MPHOSPH8: variants seen among roughly 807,000 people sequenced by gnomAD.
MPHOSPH8 encodes M-phase phosphoprotein, mpp.
Under a neutral mutation model 87.3 loss-of-function variants are expected in MPHOSPH8, and 45 were observed. The observed-to-expected ratio is 0.52, with a 90% CI of 0.41 to 0.66. MPHOSPH8 has a LOEUF of 0.66. Ranked by LOEUF, MPHOSPH8 falls within the 30% of genes least tolerant of loss-of-function variation. The pLI, the probability that MPHOSPH8 is intolerant of heterozygous loss-of-function variation, is 0.00. For missense variants in MPHOSPH8, 883 were observed against 1,020.2 expected, an observed-to-expected ratio of 0.87 and a Z score of 1.83; for synonymous variants, 366 against 376.9, an observed-to-expected ratio of 0.97 and a Z score of 0.33.
rs1234114788 is a variant in MPHOSPH8 at position 19,672,137 on chromosome 13, T to C, written c.*262T>C. 9.5e-6 allele frequency: 4 copies of C among 421,926 alleles called. No individual in the cohort carries two copies. Among genetic ancestry groups the C allele is most frequent in the Non-Finnish European group, 1.7e-5 (4 of 236,416 alleles). The allele number at this position is 421,926 out of a possible 1,614,324, so 26.1% of individuals were successfully genotyped here. On this transcript the variant is annotated 3_prime_UTR_variant, in exon 14 of 14. Coordinates refer to ENST00000361479, the MANE Select transcript of MPHOSPH8 (RefSeq NM_017520.4). ...ACATATGAGGATTATTTAAGAAAAT[T>C]AAAGACTTCACTTTCTTTTTTCTGG...
intron 1 of MPHOSPH8, among the ~76,000 whole-genome samples, chr13:19,639,804 C>A (rs945621038): frequency 1.3e-5 from 2 of 152,062 alleles, no homozygotes; most frequent in South Asian, 4.2e-4. Context: ...AAACTTATTC[C>A]TGTGTTAAGA....
intron 5 of MPHOSPH8, among the ~76,000 whole-genome samples, chr13:19,656,277 CAA>C (rs71198922): frequency 3.5e-4 from 25 of 72,258 alleles, no homozygotes; most frequent in Admixed American, 1.4e-3. Context: ...AGACTGTTGT[CAA>C]AAAAAAAAAA....
rs532130754 is a variant in MPHOSPH8 at position 19,669,671 on chromosome 13, G to A, written c.2330-565G>A. Among the ~76,000 whole-genome samples the A allele has an allele frequency of 3.3e-5, 5 of 152,042 alleles. No homozygotes were observed. In the East Asian group the frequency reaches 7.8e-4, roughly 24 times the overall value. ...TTACAGGTGCCCACCATGATACCCA[G>A]CTAAATTTTGTGTTCTTAGTAGAGA... On this transcript the variant is annotated intron_variant, in intron 11 of 13. Transcript: ENST00000361479.
Position 19,650,098 on chromosome 13 carries a change from C to T in MPHOSPH8, c.1414C>T (p.Pro472Ser). The T allele has an allele frequency of 1.9e-6, 3 of 1,613,726 alleles. No individual in the cohort carries two copies. The highest frequency in any genetic ancestry group is 2.2e-5 in the South Asian group (2 of 91,056). Residue 472 changes from proline (P) to serine (S), a missense_variant, in exon 5 of 14, where the codon CCA becomes TCA. Transcript: ENST00000361479. ...GAATAATCGGAAAAGGGAAGAAATA[C>T]CACTGGATTTTAAAACCATAGACGA... is the stretch of plus-strand genomic sequence containing the variant. ...SENNRKREEI[P>S]LDFKTIDDHK... is the part of the protein sequence containing the mutation.
intron 12 of MPHOSPH8, chr13:19,670,691 T>A: frequency 2.0e-6 from 2 of 988,514 alleles, no homozygotes; most frequent in Non-Finnish European, 2.6e-6. Context: ...TGGACTGAAT[T>A]AAGCAAAATT....
In MPHOSPH8 at chr13:19,648,354, G is replaced by A. The variant is rs919539540; in HGVS notation, c.1219-68G>A. ...CTGAAGCCACAAACCTGTATTTTCCGGTTCTCAAATAAATTTACAGTGTCA... is the reference window on the plus strand; with the variant it reads ...CTGAAGCCACAAACCTGTATTTTCCAGTTCTCAAATAAATTTACAGTGTCA... On this transcript the variant is annotated intron_variant, in intron 3 of 13. Coordinates refer to ENST00000361479, the MANE Select transcript of MPHOSPH8 (RefSeq NM_017520.4). 1.6e-4 allele frequency: 156 copies of A among 980,332 alleles called. No individual in the cohort carries two copies. Among genetic ancestry groups the A allele is most frequent in the Non-Finnish European group, 2.2e-4 (143 of 659,416 alleles). 60.7% of individuals were successfully genotyped at this position (980,332 alleles called of 1,614,324 possible).
intron 1 of MPHOSPH8, among the ~76,000 whole-genome samples, chr13:19,638,119 T>C (rs971416765): frequency 6.6e-6 from 1 of 151,638 alleles, no homozygotes; most frequent in Admixed American, 6.6e-5. Context: ...AAAAAAGTTG[T>C]ATACAATAGT....
intron 7 of MPHOSPH8, among the ~76,000 whole-genome samples, chr13:19,660,112 C>T (rs1226581878): frequency 6.6e-6 from 1 of 151,506 alleles, no homozygotes; most frequent in African/African-American, 2.4e-5. Context: ...AGTTGCCTGC[C>T]ACCTCGCCCG....
chr13:19,650,122 GA>G lies in MPHOSPH8; in HGVS notation c.1439del (p.Asp480ValfsTer36), dbSNP rs1214089041. 1 of 1,613,974 alleles carries G rather than the reference GA, an allele frequency of 6.2e-7. No individual in the cohort carries two copies. The highest frequency in any genetic ancestry group is 1.3e-5 in the African/African-American group (1 of 74,994). On this transcript the variant is annotated frameshift_variant, in exon 5 of 14. Coordinates refer to ENST00000361479, the MANE Select transcript of MPHOSPH8 (RefSeq NM_017520.4). LOFTEE classifies it high-confidence loss of function. ...EIPLDFKTID[D>X]HKTKENKQSL... is the part of the protein sequence containing the mutation. ...ACCACTGGATTTTAAAACCATAGAC[GA>G]TCACAAAACCAAGGAAAACAAACAG...
At chr13:19,667,480 T>A (rs959401030) in intron 10 of MPHOSPH8, among the ~76,000 whole-genome samples, 1 of 152,206 alleles carries the variant, frequency 6.6e-6, no homozygotes, top group Non-Finnish European at 1.5e-5. Flanking sequence ...TCATACAGAA[T>A]AGTTTCACTG....
At chr13:19,670,401 C>CT in intron 12 of MPHOSPH8, 38 bp downstream of exon 12, 8 of 1,593,056 alleles carry the variant, frequency 5.0e-6, no homozygotes, top group Non-Finnish European at 6.0e-6. Flanking sequence ...AAAGTACATT[C>CT]TTCTAATCAA....
At chr13:19,667,580 C>T (rs1280444407) in intron 10 of MPHOSPH8, among the ~76,000 whole-genome samples, 3 of 152,146 alleles carry the variant, frequency 2.0e-5, no homozygotes, top group Non-Finnish European at 4.4e-5. Context: ...ATATTTTGCC[C>T]TTTCCAGAAC....
At position 19,663,146 on chromosome 13, in the gene MPHOSPH8, C is replaced by G. The variant is rs772637201; in HGVS notation, c.2019+20C>G. The G allele has an allele frequency of 8.2e-6, 13 of 1,595,040 alleles. No individual in the cohort carries two copies. Among genetic ancestry groups the G allele is most frequent in the Non-Finnish European group, 1.1e-5 (13 of 1,163,162 alleles). ...ATGAAGGTAAATCCCTCCTGCAGGTCATCCCTTTCTTCACTACGTTGGCAG... is the reference window on the plus strand; with the variant it reads ...ATGAAGGTAAATCCCTCCTGCAGGTGATCCCTTTCTTCACTACGTTGGCAG... On this transcript the variant is annotated intron_variant, in intron 9 of 13. Coordinates refer to ENST00000361479, the MANE Select transcript of MPHOSPH8 (RefSeq NM_017520.4).
intron 7 of MPHOSPH8, 87 bp downstream of exon 7, chr13:19,659,376 A>G: frequency 8.6e-7 from 1 of 1,160,298 alleles, no homozygotes; most frequent in South Asian, 1.4e-5. Flanking sequence ...TATTTTAATT[A>G]CAAAAGGCTG....
Position 19,670,388 on chromosome 13 carries a change from T to C in MPHOSPH8, c.2457+25T>C, listed in dbSNP as rs371043139. 10 of 1,607,354 alleles carry C rather than the reference T, an allele frequency of 6.2e-6. No homozygotes were observed. The African/African-American group carries it at 9.4e-5, about 15-fold the overall frequency. On this transcript the variant is annotated intron_variant, in intron 12 of 13. Transcript: ENST00000361479. ...GGTAAGATACTCTGTATTTCACTAC[T>C]GAAAAGTACATTCTTCTAATCAAAA... is the stretch of plus-strand genomic sequence containing the variant.
rs761571528 is a variant in MPHOSPH8, at chr13:19,646,558, A to G, written c.485A>G (p.Glu162Gly). The stretch of plus-strand genomic sequence containing the variant: ...AAGAAAAAATTGAGGCAGAGAGAAG[A>G]GAAAAGCCCAGATGATCTGAAAAAG... ...KKKKKLRQRE[E>G]KSPDDLKKKK... Residue 162 changes from glutamate (E) to glycine (G), a missense_variant, in exon 3 of 14, where the codon GAG (glutamate) becomes GGG (glycine). Physicochemically the swap from Glu to Gly is moderately conservative, Grantham distance 98. Coordinates refer to ENST00000361479, the MANE Select transcript of MPHOSPH8 (RefSeq NM_017520.4). The G allele has an allele frequency of 6.3e-7, 1 of 1,582,824 alleles. No individual in the cohort carries two copies.
At chr13:19,655,058 T>C (rs1262939207) in intron 5 of MPHOSPH8, among the ~76,000 whole-genome samples, 2 of 152,176 alleles carry the variant, frequency 1.3e-5, no homozygotes, top group Non-Finnish European at 2.9e-5. Flanking sequence ...AAAAATCTCA[T>C]GATCACGTTG....
At chr13:19,639,234 G>T (rs9578170) in intron 1 of MPHOSPH8, among the ~76,000 whole-genome samples, 17,941 of 151,930 alleles carry the variant, frequency 0.12, 1,208 homozygotes, top group Middle Eastern at 0.21. Context: ...GCTGGTGGTA[G>T]CCTAGTTGCT....
At chr13:19,636,603 C>T (rs747559369) in intron 1 of MPHOSPH8, among the ~76,000 whole-genome samples, 1 of 151,772 alleles carries the variant, frequency 6.6e-6, no homozygotes, top group Non-Finnish European at 1.5e-5. Context: ...CTCAGCCTCT[C>T]GGAGTAGATG....
Sources: allele counts gnomAD v4.1 joint callset (sites outside exome capture counted in the v4.1 genomes callset), GRCh38; gene constraint gnomAD v4.1.1; transcripts MANE v1.5; gene names NCBI Gene and HGNC (gene_info 2026-07-23, HGNC 2026-07-21).